EIF4G3: variants seen among roughly 807,000 people sequenced by gnomAD.
EIF4G3 encodes the protein eukaryotic translation initiation factor 4 gamma 3.
In EIF4G3, 34 loss-of-function variants were observed where a neutral mutation model predicts 186.4. The ratio of observed to expected loss-of-function variants is 0.18; its 90% CI spans 0.14 to 0.24. EIF4G3 has a LOEUF of 0.24. EIF4G3 is among the 10% of genes least tolerant of loss of function. The pLI is 1.00. For missense variants in EIF4G3, 1,536 were observed against 1,948.5 expected (o/e 0.79, Z 3.99); for synonymous variants, 673 against 679.5 (o/e 0.99, Z 0.15).
At chr1:20,823,951 G>A (rs185450094) in intron 33 of EIF4G3, among the ~76,000 whole-genome samples, 10 of 152,322 alleles carry the variant, frequency 6.6e-5, no homozygotes, top group African/African-American at 2.4e-4. Context: ...TTTCTCCAAA[G>A]AGCATTTTGA....
intron 14 of EIF4G3, among the ~76,000 whole-genome samples, chr1:20,927,702 G>A (rs2154560729): frequency 6.6e-6 from 1 of 152,250 alleles, no homozygotes; most frequent in African/African-American, 2.4e-5. Flanking sequence ...AAAAACATAA[G>A]GGACCAAGTT....
intron 3 of EIF4G3, among the ~76,000 whole-genome samples, chr1:21,053,486 C>T (rs1460434861): frequency 1.3e-5 from 2 of 149,490 alleles, no homozygotes; most frequent in African/African-American, 4.9e-5. Context: ...CCCGGCCGCC[C>T]CTACTGGGAA....
chr1:20,877,453 C>T (rs1225119526), intron 20 of EIF4G3, among the ~76,000 whole-genome samples: 2 of 152,122 alleles, frequency 1.3e-5, no homozygotes, highest in African/African-American at 4.8e-5. Context: ...TAAAGTGGGG[C>T]TAGTAACACT....
intron 2 of EIF4G3, chr1:21,169,611 G>GT (rs2097918572): frequency 6.6e-6 from 1 of 152,086 alleles, no homozygotes; most frequent in African/African-American, 2.4e-5. Flanking sequence ...GACTACAGAT[G>GT]TTGTTCCTCT....
intron 30 of EIF4G3, among the ~76,000 whole-genome samples, chr1:20,831,433 G>C (rs1257742076): frequency 1.3e-5 from 2 of 151,570 alleles, no homozygotes; most frequent in Admixed American, 1.3e-4. Context: ...AAGATCTCCC[G>C]TGTTAGTGTT....
At chr1:21,144,206 A>G (rs1018270213) in intron 2 of EIF4G3, among the ~76,000 whole-genome samples, 7 of 152,186 alleles carry the variant, frequency 4.6e-5, no homozygotes, top group African/African-American at 1.7e-4. Context: ...GGGAGATAAC[A>G]TCCCTCCCAT....
chr1:20,899,105 C>T (rs531916474), intron 16 of EIF4G3, among the ~76,000 whole-genome samples: 3 of 152,300 alleles, frequency 2.0e-5, no homozygotes, highest in African/African-American at 7.2e-5. Context: ...AAGTCAGTCA[C>T]AGTTTATATA....
intron 5 of EIF4G3, among the ~76,000 whole-genome samples, chr1:21,002,484 G>A (rs1458744660): frequency 2.0e-5 from 3 of 152,192 alleles, no homozygotes; most frequent in Non-Finnish European, 4.4e-5. Flanking sequence ...TTAAAAGGGA[G>A]TGGAGGGTTA....
chr1:20,970,298 C>G (rs1376111625), intron 11 of EIF4G3, among the ~76,000 whole-genome samples: 2 of 152,064 alleles, frequency 1.3e-5, no homozygotes, highest in Non-Finnish European at 2.9e-5. Flanking sequence ...AAAGGTTGAT[C>G]GAGAACAGAA....
intron 12 of EIF4G3, among the ~76,000 whole-genome samples, chr1:20,953,893 T>G (rs965574279): frequency 6.6e-6 from 1 of 152,142 alleles, no homozygotes; most frequent in African/African-American, 2.4e-5. Flanking sequence ...AAATAACATG[T>G]TATTGGAAGA....
intron 4 of EIF4G3, among the ~76,000 whole-genome samples, chr1:21,037,890 C>G (rs1372972828): frequency 6.6e-6 from 1 of 152,170 alleles, no homozygotes; most frequent in East Asian, 1.9e-4. Context: ...AGCTTTGTCT[C>G]AATGCTGGGT....
Position 20,860,380 on chromosome 1 carries a change from C to T in EIF4G3, c.3244+5G>A, listed in dbSNP as rs778045980. Reference sequence around the variant, plus strand: ...TCTCTAAACCCTGGTGGATTCCGGCCTCACCTGGTCTTCTCTTCTCTTTGG... The same window carrying T: ...TCTCTAAACCCTGGTGGATTCCGGCTTCACCTGGTCTTCTCTTCTCTTTGG... On this transcript the variant is annotated splice_donor_5th_base_variant and intron_variant, in intron 24 of 36. Coordinates refer to ENST00000602326, the MANE Select transcript of EIF4G3 (RefSeq NM_001391906.1). The T allele has an allele frequency of 1.1e-5, 18 of 1,613,836 alleles. No homozygotes were observed. Among genetic ancestry groups the T allele is most frequent in the Non-Finnish European group, 1.3e-5 (15 of 1,179,974 alleles).
chr1:20,835,706 A>C (rs915847588), intron 30 of EIF4G3, among the ~76,000 whole-genome samples: 1 of 152,158 alleles, frequency 6.6e-6, no homozygotes, highest in African/African-American at 2.4e-5. Flanking sequence ...TTGAGAGGCC[A>C]AGGTGGAAGG....
At chr1:21,089,532 G>C (rs1462935025) in intron 2 of EIF4G3, among the ~76,000 whole-genome samples, 1 of 152,098 alleles carries the variant, frequency 6.6e-6, no homozygotes, top group African/African-American at 2.4e-5. Flanking sequence ...TGGGCACAGT[G>C]GCTCAAGCCT....
chr1:20,834,423 G>A (rs559380838), intron 30 of EIF4G3, among the ~76,000 whole-genome samples: 2 of 152,250 alleles, frequency 1.3e-5, no homozygotes, highest in East Asian at 3.9e-4. Context: ...GGGTGAGAGA[G>A]TGTGACTCTC....
At chr1:20,985,361 T>G (rs1570395224) in intron 7 of EIF4G3, among the ~76,000 whole-genome samples, 1 of 152,326 alleles carries the variant, frequency 6.6e-6, no homozygotes, top group East Asian at 1.9e-4. Context: ...CATACCATTT[T>G]ACAGACTTAC....
At position 20,962,399 on chromosome 1, in the gene EIF4G3, T is replaced by C. The variant is rs2073522726; in HGVS notation, c.714+7075A>G. 2.6e-5 allele frequency among the ~76,000 whole-genome samples: 4 copies of C among 152,238 alleles called. No homozygotes were observed. The South Asian group carries it at 8.3e-4, about 31-fold the overall frequency. The stretch of plus-strand genomic sequence containing the variant: ...TCAGGAAGAGAAAATACATTTCCAA[T>C]ACTATGCTGTATTTATCAGTATCAT... On this transcript the variant is annotated intron_variant, in intron 12 of 36. Coordinates refer to ENST00000602326, the MANE Select transcript of EIF4G3 (RefSeq NM_001391906.1).
At chr1:20,863,817 T>G (rs1241938254) in intron 22 of EIF4G3, among the ~76,000 whole-genome samples, 2 of 151,410 alleles carry the variant, frequency 1.3e-5, no homozygotes, top group Non-Finnish European at 2.9e-5. Flanking sequence ...TCCTACCTTC[T>G]CTGGTGAGAA....
intron 14 of EIF4G3, among the ~76,000 whole-genome samples, chr1:20,912,565 A>C (rs1455792424): frequency 6.6e-6 from 1 of 152,174 alleles, no homozygotes; most frequent in African/African-American, 2.4e-5. Flanking sequence ...AGACTTTCCA[A>C]CTATAGACAC....
Sources: gnomAD v4.1 joint callset for allele counts (sites outside exome capture counted in the v4.1 genomes callset) on GRCh38, gnomAD v4.1.1 for gene constraint, MANE v1.5 for transcripts, NCBI Gene and HGNC (gene_info 2026-07-23, HGNC 2026-07-21) for gene names.